The following NRXN3 variants were observed in gnomAD, a reference collection of about 807,000 sequenced individuals.
NRXN3 encodes neurexin 3.
In NRXN3, 32 loss-of-function variants were observed where a neutral mutation model predicts 137.6. The observed-to-expected ratio is 0.23, with a 90% CI of 0.18 to 0.31. NRXN3 has a LOEUF of 0.31. Among genes scored for constraint, NRXN3 ranks in the 10% least tolerant of loss-of-function variants. NRXN3 has a pLI of 1.00. For missense variants in NRXN3, 1,574 were observed against 2,062.5 expected (o/e 0.76, Z 4.59); for synonymous variants, 798 against 784.5 (o/e 1.02, Z -0.29).
At chr14:79,222,050 G>A (rs2069812607) in intron 15 of NRXN3, among the ~76,000 whole-genome samples, 1 of 152,180 alleles carries the variant, frequency 6.6e-6, no homozygotes, top group African/African-American at 2.4e-5. Flanking sequence ...GTTTGTCAAA[G>A]ATCAGATGGT....
intron 19 of NRXN3, among the ~76,000 whole-genome samples, chr14:79,712,993 G>A (rs1238156552): frequency 2.6e-5 from 4 of 152,040 alleles, no homozygotes; most frequent in Admixed American, 1.3e-4. Flanking sequence ...TCTGAAGAAT[G>A]TTTTATTCCA....
chr14:78,817,393 A>G (rs2098937141), intron 10 of NRXN3, among the ~76,000 whole-genome samples: 1 of 152,228 alleles, frequency 6.6e-6, no homozygotes, highest in Non-Finnish European at 1.5e-5. Flanking sequence ...TTGTCTCATC[A>G]AAGGAAGAAG....
At chr14:79,760,224 G>A (rs1482781737) in intron 19 of NRXN3, among the ~76,000 whole-genome samples, 2 of 151,574 alleles carry the variant, frequency 1.3e-5, no homozygotes, top group African/African-American at 4.9e-5. Flanking sequence ...TTAGAAAAAA[G>A]TGTGGCGAGC....
intron 15 of NRXN3, among the ~76,000 whole-genome samples, chr14:79,408,247 G>T (rs2095351578): frequency 6.6e-6 from 1 of 152,034 alleles, no homozygotes; most frequent in South Asian, 2.1e-4. Flanking sequence ...AAAGAGTTGA[G>T]CCTTATCCCC....
Position 79,451,019 on chromosome 14 carries a change from C to T in NRXN3, c.3263-16202C>T, listed in dbSNP as rs142402198. On this transcript the variant is annotated intron_variant, in intron 15 of 20. Transcript: ENST00000335750. ...GCTCTGATTTGTTTCCACCAGTCAT[C>T]ACTGTCACCTCAGACAAATTCTGTA... is the stretch of plus-strand genomic sequence containing the variant. Among the ~76,000 whole-genome samples, 977 of 152,204 alleles carry T rather than the reference C, an allele frequency of 6.4e-3. 8 individuals carry two copies. The highest frequency in any genetic ancestry group is 0.022 in the African/African-American group (903 of 41,526).
At chr14:79,014,082 T>G (rs1039666831) in intron 15 of NRXN3, among the ~76,000 whole-genome samples, 1 of 152,298 alleles carries the variant, frequency 6.6e-6, no homozygotes, top group African/African-American at 2.4e-5. Context: ...AACCTCTGTA[T>G]GGCAAGGAGC....
chr14:79,599,595 CA>C (rs1307350629), intron 16 of NRXN3, among the ~76,000 whole-genome samples: 1 of 152,210 alleles, frequency 6.6e-6, no homozygotes, highest in Non-Finnish European at 1.5e-5. Flanking sequence ...TCTATTTCAA[CA>C]ATAACAATAA....
intron 16 of NRXN3, among the ~76,000 whole-genome samples, chr14:79,582,444 C>T (rs769037517): frequency 4.6e-5 from 7 of 152,128 alleles, no homozygotes; most frequent in African/African-American, 7.2e-5. Context: ...TTTTTTGAGA[C>T]GGAGTCTTGC....
chr14:79,410,203 G>GCA lies in NRXN3; in HGVS notation c.3263-57008_3263-57007dup, dbSNP rs957170615. ...ATGCTTATTTGAGACACACACACAC[G>GCA]CACACACACACGTGCATACTCTTGG... On this transcript the variant is annotated intron_variant, in intron 15 of 20. Transcript: ENST00000335750. Among the ~76,000 whole-genome samples the GCA allele has an allele frequency of 7.3e-5, 11 of 150,628 alleles. No individual in the cohort carries two copies. In the South Asian group the frequency reaches 1.5e-3, roughly 20 times the overall value.
chr14:79,422,888 C>T lies in NRXN3; in HGVS notation c.3263-44333C>T, dbSNP rs369558545. On this transcript the variant is annotated intron_variant, in intron 15 of 20. Coordinates refer to ENST00000335750, the MANE Select transcript of NRXN3 (RefSeq NM_001330195.2). Reference sequence around the variant, plus strand: ...CTAATTTTTGTATTTTTAGTAGAGACGGGGTTTCACCATATTGGCCAGGCT... The same window carrying T: ...CTAATTTTTGTATTTTTAGTAGAGATGGGGTTTCACCATATTGGCCAGGCT... Among the ~76,000 whole-genome samples, 38 of 151,840 alleles carry T rather than the reference C, an allele frequency of 2.5e-4. 2 individuals carry two copies. In the East Asian group the frequency reaches 4.3e-3, roughly 17 times the overall value.
At position 78,532,700 on chromosome 14, in the gene NRXN3, C is replaced by A. The variant is rs537738403; in HGVS notation, c.758-112420C>A. On this transcript the variant is annotated intron_variant, in intron 4 of 20. Coordinates refer to ENST00000335750, the MANE Select transcript of NRXN3 (RefSeq NM_001330195.2). ...AAATATCCTTTCTTTGACGCCACAT[C>A]TCTTTAGCTCCCATCTTTGTTTATC... Among the ~76,000 whole-genome samples, 9 of 152,190 alleles carry A rather than the reference C, an allele frequency of 5.9e-5. No individual in the cohort carries two copies. The South Asian group carries it at 1.5e-3, about 25-fold the overall frequency.
chr14:79,091,592 T>C (rs149642497), intron 15 of NRXN3, among the ~76,000 whole-genome samples: 13 of 152,256 alleles, frequency 8.5e-5, no homozygotes, highest in African/African-American at 2.6e-4. Context: ...GCTTGGAGCT[T>C]ACATAATCAG....
chr14:78,519,660 G>A (rs1387166687), intron 4 of NRXN3, among the ~76,000 whole-genome samples: 1 of 152,124 alleles, frequency 6.6e-6, no homozygotes, highest in Non-Finnish European at 1.5e-5. Flanking sequence ...CCACCATTAA[G>A]TCAGAAATTG....
At chr14:78,427,736 A>C (rs957403576) in intron 4 of NRXN3, among the ~76,000 whole-genome samples, 1 of 152,218 alleles carries the variant, frequency 6.6e-6, no homozygotes, top group African/African-American at 2.4e-5. Context: ...AAATGCCTCT[A>C]GTCTCACTCA....
chr14:78,796,077 G>T (rs1293460136), intron 8 of NRXN3, among the ~76,000 whole-genome samples: 2 of 152,228 alleles, frequency 1.3e-5, no homozygotes, highest in Non-Finnish European at 2.9e-5. Context: ...GATTCATGTT[G>T]CAGAAGCGGT....
At chr14:79,670,645 G>T (rs1255873740) in intron 17 of NRXN3, among the ~76,000 whole-genome samples, 1 of 152,092 alleles carries the variant, frequency 6.6e-6, no homozygotes, top group Admixed American at 6.6e-5. Flanking sequence ...TGACAGCATG[G>T]CTATGGTGCA....
chr14:79,853,993 G>A, intron 20 of NRXN3: 1 of 986,588 alleles, frequency 1.0e-6, no homozygotes, highest in Middle Eastern at 5.2e-4. Context: ...TTCTTTTTAT[G>A]TTATGTGGTG....
intron 15 of NRXN3, among the ~76,000 whole-genome samples, chr14:79,325,863 T>C (rs2090776435): frequency 6.6e-6 from 1 of 152,128 alleles, no homozygotes; most frequent in Admixed American, 6.6e-5. Flanking sequence ...GACAGGGCCA[T>C]CGTGAGATGC....
chr14:78,625,540 A>G (rs911091829), intron 4 of NRXN3, among the ~76,000 whole-genome samples: 5 of 152,214 alleles, frequency 3.3e-5, no homozygotes, highest in African/African-American at 1.2e-4. Flanking sequence ...CCAGGGAGGC[A>G]TGGTTCTCTT....
Sources: allele counts gnomAD v4.1 joint callset (sites outside exome capture counted in the v4.1 genomes callset), GRCh38; gene constraint gnomAD v4.1.1; transcripts MANE v1.5; gene names NCBI Gene and HGNC (gene_info 2026-07-23, HGNC 2026-07-21).